CACNA1C: variants seen among roughly 807,000 people sequenced by gnomAD.
CACNA1C encodes the protein voltage-dependent L-type calcium channel subunit alpha-1C.
A neutral mutation model predicts 229.0 loss-of-function variants in CACNA1C; 30 were observed. The observed-to-expected ratio is 0.13, with a 90% CI of 0.10 to 0.18. CACNA1C has a LOEUF of 0.18. Ranked by LOEUF, CACNA1C falls within the 10% of genes least tolerant of loss-of-function variation. CACNA1C has a pLI of 1.00. For synonymous variants in CACNA1C, 1,114 were observed against 1,132.5 expected (o/e 0.98, Z 0.33); for missense variants, 1,658 against 2,845.0 (o/e 0.58, Z 9.49).
chr12:2,371,720 AT>A (rs1567296756), intron 3 of CACNA1C, among the ~76,000 whole-genome samples: 4 of 138,920 alleles, frequency 2.9e-5, no homozygotes, highest in African/African-American at 8.3e-5. Flanking sequence ...TAAATGACAT[AT>A]GGCTTTTTTT....
At chr12:2,028,766 G>T (rs868782966) in intron 1 of CACNA1C, among the ~76,000 whole-genome samples, 4 of 147,212 alleles carry the variant, frequency 2.7e-5, no homozygotes, top group African/African-American at 1.0e-4. Context: ...TTACCTTCCT[G>T]TAGCTCTGTT....
chr12:2,185,085 T>C (rs2096957091), intron 3 of CACNA1C, among the ~76,000 whole-genome samples: 1 of 152,186 alleles, frequency 6.6e-6, no homozygotes, highest in Admixed American at 6.5e-5. Context: ...CACCATGCTG[T>C]GGCCAAGCAG....
intron 9 of CACNA1C, among the ~76,000 whole-genome samples, chr12:2,535,705 A>T (rs1377265513): frequency 5.5e-5 from 4 of 72,968 alleles, no homozygotes; most frequent in South Asian, 4.2e-4. Flanking sequence ...GACCCTGTCT[A>T]AAAAAAAAAA....
Position 2,062,602 on chromosome 12 carries a change from T to C in CACNA1C, c.49+8991T>C, listed in dbSNP as rs543500129. Among the ~76,000 whole-genome samples, 18 of 152,364 alleles carry C rather than the reference T, an allele frequency of 1.2e-4. No individual in the cohort carries two copies. In the South Asian group the frequency reaches 2.7e-3, roughly 23 times the overall value. The stretch of plus-strand genomic sequence containing the variant: ...CTTGTTCTTACTTGATGGCTGCATG[T>C]TGTCGTGGTACCCCGCCTCCCCTCC... On this transcript the variant is annotated intron_variant, in intron 1 of 46. Transcript: ENST00000399655.
chr12:2,347,120 C>G (rs543671850), intron 3 of CACNA1C, among the ~76,000 whole-genome samples: 2 of 152,250 alleles, frequency 1.3e-5, no homozygotes, highest in Admixed American at 1.3e-4. Flanking sequence ...GGGCAGAGAC[C>G]AAGCCTTGCT....
Position 2,677,757 on chromosome 12 carries a change from A to G in CACNA1C, c.4981A>G (p.Ile1661Val), listed in dbSNP as rs752913195. ...LQAGLRTLHD[I>V]GPEIRRAISG... ...GGCTGGCTTGCGCACACTGCATGAC[A>G]TCGGGCCTGAGATCCGACGGGCCAT... is the stretch of plus-strand genomic sequence containing the variant. Residue 1661 changes from isoleucine to valine, a missense_variant, in exon 41 of 47, where the codon ATC becomes GTC. By Grantham distance (29) the Ile-to-Val change is conservative. Coordinates refer to ENST00000399655, the MANE Select transcript of CACNA1C (RefSeq NM_000719.7). The surrounding 1 kb of genome is among the most constrained non-coding windows in gnomAD (Gnocchi z 7.4). 1.2e-6 allele frequency: 2 copies of G among 1,613,760 alleles called. No homozygotes were observed. Among genetic ancestry groups the G allele is most frequent in the Non-Finnish European group, 1.7e-6 (2 of 1,179,822 alleles).
intron 3 of CACNA1C, among the ~76,000 whole-genome samples, chr12:2,416,471 A>G (rs1282118324): frequency 2.6e-5 from 4 of 152,122 alleles, no homozygotes; most frequent in Non-Finnish European, 4.4e-5. Flanking sequence ...ATAAGTTTTA[A>G]CCCAATAGGG....
At chr12:2,408,746 C>T (rs1429698304) in intron 3 of CACNA1C, among the ~76,000 whole-genome samples, 1 of 152,170 alleles carries the variant, frequency 6.6e-6, no homozygotes, top group African/African-American at 2.4e-5. Flanking sequence ...AGAGTTTTGT[C>T]CACATTTCAT....
rs1326763480 is a variant in CACNA1C at position 2,639,221 on chromosome 12, G to T, written c.3912+4841G>T. 6.6e-6 allele frequency among the ~76,000 whole-genome samples: 1 copy of T among 152,210 alleles called. No homozygotes were observed. Among genetic ancestry groups the T allele is most frequent in the Non-Finnish European group, 1.5e-5 (1 of 68,046 alleles). On this transcript the variant is annotated intron_variant, in intron 30 of 46. Transcript: ENST00000399655. This position sits in a 1 kb window ranked among gnomAD's most constrained non-coding sequence, Gnocchi z 4.2. ...AGCTTTTCTTCCTCTGTGAGCCGGG[G>T]AGGTAAGAGTGCGATGTCCTGCTGC... is the stretch of plus-strand genomic sequence containing the variant.
rs767264073 is a variant in CACNA1C at position 2,071,172 on chromosome 12, C to CCCTGCCTGCCTG, written c.49+17589_49+17600dup. On this transcript the variant is annotated intron_variant, in intron 1 of 46. Transcript: ENST00000399655. ...TCCCTCCCTCCCTCCCTCCCTCCCT[C>CCCTGCCTGCCTG]CCTGCCTGCCTGCCTGCCTGCCTGC... Among the ~76,000 whole-genome samples, 115 of 16,024 alleles carry CCCTGCCTGCCTG rather than the reference C, an allele frequency of 7.2e-3. 14 individuals carry two copies. Among genetic ancestry groups the CCCTGCCTGCCTG allele is most frequent in the African/African-American group, 0.014 (37 of 2,580 alleles). 10.5% of individuals were successfully genotyped at this position (16,024 alleles called of 152,430 possible).
intron 3 of CACNA1C, among the ~76,000 whole-genome samples, chr12:2,202,454 T>TA (rs2097608656): frequency 1.3e-5 from 2 of 152,258 alleles, no homozygotes; most frequent in Non-Finnish European, 2.9e-5. Flanking sequence ...GTAGTAGTCA[T>TA]ATATAGCTCA....
At chr12:2,161,764 A>G (rs1332094936) in intron 3 of CACNA1C, among the ~76,000 whole-genome samples, 1 of 152,232 alleles carries the variant, frequency 6.6e-6, no homozygotes, top group East Asian at 1.9e-4. Flanking sequence ...AGCCCAGACT[A>G]AAGAAAGCCA....
chr12:2,497,392 C>T (rs1218556707), intron 7 of CACNA1C, among the ~76,000 whole-genome samples: 7 of 152,190 alleles, frequency 4.6e-5, no homozygotes, highest in African/African-American at 1.7e-4. Flanking sequence ...GGGTTGGGGA[C>T]ACACGCAGAA....
intron 9 of CACNA1C, among the ~76,000 whole-genome samples, chr12:2,521,053 C>A (rs2099808786): frequency 1.3e-5 from 2 of 152,188 alleles, no homozygotes; most frequent in Admixed American, 1.3e-4. Flanking sequence ...AGTGTCCAGG[C>A]CAAAACGATA....
intron 29 of CACNA1C, among the ~76,000 whole-genome samples, chr12:2,631,779 G>T (rs986466991): frequency 6.6e-6 from 1 of 152,186 alleles, no homozygotes. Flanking sequence ...TCCAGTCTCC[G>T]GGGTGGCGTT....
At chr12:2,010,173 C>T (rs2044156025) in intron 1 of CACNA1C, among the ~76,000 whole-genome samples, 1 of 152,114 alleles carries the variant, frequency 6.6e-6, no homozygotes, top group South Asian at 2.1e-4. Flanking sequence ...TGTTAATTCC[C>T]AGGGCAGCAC....
chr12:2,091,218 A>G (rs575294605), intron 1 of CACNA1C, among the ~76,000 whole-genome samples: 2 of 152,252 alleles, frequency 1.3e-5, no homozygotes, highest in South Asian at 2.1e-4. Flanking sequence ...ACTTGTCCCC[A>G]TTGGCCATAT....
intron 9 of CACNA1C, chr12:2,547,543 CTG>C: frequency 1.3e-6 from 1 of 779,420 alleles, no homozygotes; most frequent in Non-Finnish European, 2.4e-6. Flanking sequence ...CCCCTGTGCT[CTG>C]TGTGTGTAAA....
At chr12:2,408,112 C>A (rs893804286) in intron 3 of CACNA1C, among the ~76,000 whole-genome samples, 1 of 152,182 alleles carries the variant, frequency 6.6e-6, no homozygotes, top group African/African-American at 2.4e-5. Context: ...ACCTTGAAAA[C>A]ATTATGCTAA....
Sources: allele counts gnomAD v4.1 joint callset (sites outside exome capture counted in the v4.1 genomes callset), GRCh38; gene constraint gnomAD v4.1.1; non-coding constraint Gnocchi (gnomAD v3.1); transcripts MANE v1.5; gene names NCBI Gene and HGNC (gene_info 2026-07-23, HGNC 2026-07-21).